Variants in PRKAR1A observed in about 807,000 individuals in gnomAD.
PRKAR1A encodes the protein protein kinase cAMP-dependent type I regulatory subunit alpha, also known as cAMP-dependent protein kinase type I-alpha regulatory subunit.
Under a neutral mutation model 52.0 loss-of-function variants are expected in PRKAR1A, and 3 were observed. That is an observed-to-expected ratio of 0.06 (90% CI 0.03 to 0.15). The LOEUF (loss-of-function observed/expected upper bound fraction) is 0.15. Ranked by LOEUF, PRKAR1A falls within the 10% of genes least tolerant of loss-of-function variation. PRKAR1A has a pLI of 1.00. For synonymous variants in PRKAR1A, 188 were observed against 168.4 expected (o/e 1.12, Z -0.90); for missense variants, 240 against 477.4 (o/e 0.50, Z 4.63).
At chr17:68,521,210 G>C (rs2085595837) in intron 2 of PRKAR1A, among the ~76,000 whole-genome samples, 2 of 152,160 alleles carry the variant, frequency 1.3e-5, no homozygotes, top group South Asian at 4.1e-4. Context: ...GAAGTGTTGG[G>C]ATTACAGGTG....
upstream of PRKAR1A, among the ~76,000 whole-genome samples, chr17:68,510,543 T>C (rs2085250658): frequency 6.6e-6 from 1 of 152,174 alleles, no homozygotes; most frequent in Non-Finnish European, 1.5e-5. Context: ...CAAACTCAGA[T>C]TTACCTGACT....
rs1469073260 is a variant in PRKAR1A, at chr17:68,530,530, C to CAGCG, written c.*82_*85dup. The CAGCG allele has an allele frequency of 1.1e-5, 17 of 1,611,096 alleles. No homozygotes were observed. Among genetic ancestry groups the CAGCG allele is most frequent in the Non-Finnish European group, 5.9e-6 (7 of 1,179,056 alleles). On this transcript the variant is annotated 3_prime_UTR_variant, in exon 11 of 11. Coordinates refer to ENST00000589228, the MANE Select transcript of PRKAR1A (RefSeq NM_002734.5). ...CAAACTGCTTTATTTTCCCTACTTG[C>CAGCG]AGCGCCAAGTGGCCACTGGCATCGC...
At chr17:68,466,409 CT>C in the PRKAR1A span, among the ~76,000 whole-genome samples, 2,409 of 118,328 alleles carry the variant, frequency 0.02, 35 homozygotes, top group African/African-American at 0.074. Flanking sequence ...TTTTCTCTCT[CT>C]TTTTTTTTTT....
chr17:68,427,071 G>T, the PRKAR1A span: 1 of 1,356,944 alleles, frequency 7.4e-7, no homozygotes, highest in Non-Finnish European at 1.1e-6. Context: ...GAGGGAGCGT[G>T]CAGGGAGAAG....
the PRKAR1A span, among the ~76,000 whole-genome samples, chr17:68,478,733 G>GT: frequency 1.4e-3 from 67 of 47,038 alleles, no homozygotes; most frequent in East Asian, 3.9e-3. Context: ...GGACAGTTTT[G>GT]TTTTTTTTTT....
chr17:68,480,284 G>A, the PRKAR1A span, among the ~76,000 whole-genome samples: 831 of 152,148 alleles, frequency 5.5e-3, 4 homozygotes, highest in Non-Finnish European at 9.7e-3. Context: ...ATTCTATTGC[G>A]AACTCATCTT....
chr17:68,522,819 G>A lies in PRKAR1A; in HGVS notation c.241G>A (p.Glu81Lys). Residue 81 changes from glutamate to lysine, a missense_variant, in exon 3 of 11, where the codon GAG (glutamate) becomes AAG (lysine). This residue lies in a region of PRKAR1A where 107 missense variants were observed against 114.6 expected (regional missense o/e 0.93). Coordinates refer to ENST00000589228, the MANE Select transcript of PRKAR1A (RefSeq NM_002734.5). ...CACTCGTACAGACTCAAGGGAGGAT[G>A]AGATTTCTCCTCCTCCACCCAACCC... ...AGTRTDSRED[E>K]ISPPPPNPVV... 6.2e-7 allele frequency: 1 copy of A among 1,614,102 alleles called. No individual in the cohort carries two copies. Among genetic ancestry groups the A allele is most frequent in the Non-Finnish European group, 8.5e-7 (1 of 1,179,952 alleles).
chr17:68,426,238 CG>C, the PRKAR1A span: 1 of 615,196 alleles, frequency 1.6e-6, no homozygotes, highest in Non-Finnish European at 2.3e-6. Context: ...CATGACCTGG[CG>C]GGTGGGGAGC....
chr17:68,448,898 A>G, the PRKAR1A span, among the ~76,000 whole-genome samples: 1 of 152,208 alleles, frequency 6.6e-6, no homozygotes, highest in African/African-American at 2.4e-5. Flanking sequence ...CCAAGAATGC[A>G]GGTTTCTTTT....
At chr17:68,427,026 C>T in the PRKAR1A span, 2 of 881,026 alleles carry the variant, frequency 2.3e-6, no homozygotes, top group Non-Finnish European at 1.8e-6. Context: ...GGAGGGAGGG[C>T]ACTCCACCCC....
intron 2 of PRKAR1A, 134 bp from the exon 3 acceptor site, chr17:68,522,622 G>T: frequency 1.1e-6 from 1 of 952,256 alleles, no homozygotes; most frequent in Non-Finnish European, 1.6e-6. Context: ...TTTGGAATTG[G>T]TGTTTTCCTC....
the PRKAR1A span, chr17:68,457,427 G>A: frequency 3.4e-6 from 5 of 1,471,068 alleles, no homozygotes; most frequent in East Asian, 8.8e-5. Context: ...TCCATCGGGG[G>A]CTCGGCCCGG....
chr17:68,509,894 A>G (rs1425826642), upstream of PRKAR1A, among the ~76,000 whole-genome samples: 1 of 152,172 alleles, frequency 6.6e-6, no homozygotes, highest in Non-Finnish European at 1.5e-5. Context: ...GCCTGCATGC[A>G]GCTGAATGGG....
chr17:68,505,840 A>C, the PRKAR1A span, among the ~76,000 whole-genome samples: 5 of 152,180 alleles, frequency 3.3e-5, no homozygotes, highest in Non-Finnish European at 4.4e-5. Context: ...AAGTATCAAC[A>C]TTGGCTCTTC....
chr17:68,505,397 A>C, the PRKAR1A span, among the ~76,000 whole-genome samples: 1 of 152,264 alleles, frequency 6.6e-6, no homozygotes, highest in South Asian at 2.1e-4. Flanking sequence ...TATTTGTGGC[A>C]GTGAATCTCT....
intron 2 of PRKAR1A, among the ~76,000 whole-genome samples, chr17:68,519,993 A>G (rs1433066150): frequency 6.6e-6 from 1 of 152,224 alleles, no homozygotes; most frequent in Non-Finnish European, 1.5e-5. Flanking sequence ...TACAACCCCC[A>G]AATTTCAGTG....
At chr17:68,530,242 G>C in intron 10 of PRKAR1A, 35 bp from the exon 11 acceptor site, 1 of 1,610,754 alleles carries the variant, frequency 6.2e-7, no homozygotes, top group Non-Finnish European at 8.5e-7. Context: ...GTTTTTCATA[G>C]AAGTTAGCCT....
the PRKAR1A span, among the ~76,000 whole-genome samples, chr17:68,486,721 T>C: frequency 6.6e-6 from 1 of 151,864 alleles, no homozygotes; most frequent in Admixed American, 6.6e-5. Flanking sequence ...CTGTGTACTT[T>C]TGCTCTGGAA....
chr17:68,464,829 A>G, the PRKAR1A span, among the ~76,000 whole-genome samples: 2 of 152,080 alleles, frequency 1.3e-5, no homozygotes, highest in African/African-American at 4.8e-5. Flanking sequence ...ATCACTTCCT[A>G]TTATGAAATT....
Sources: allele counts gnomAD v4.1 joint callset (sites outside exome capture counted in the v4.1 genomes callset), GRCh38; gene constraint gnomAD v4.1.1; regional missense constraint gnomAD v4.1.1; transcripts MANE v1.5; gene names NCBI Gene and HGNC (gene_info 2026-07-23, HGNC 2026-07-21).